Variants in IGSF11 observed in about 807,000 individuals in gnomAD.
IGSF11 encodes CXADR like 1.
Under a neutral mutation model 41.0 loss-of-function variants are expected in IGSF11, and 22 were observed. The observed-to-expected ratio is 0.54, with a 90% confidence interval of 0.38 to 0.77. IGSF11 has a LOEUF of 0.77. IGSF11 is among the 30% of genes least tolerant of loss of function. IGSF11 has a pLI of 0.00. For synonymous variants in IGSF11, 219 were observed against 201.3 expected (o/e 1.09, Z -0.74); for missense variants, 444 against 530.8 (o/e 0.84, Z 1.61).
At chr3:119,117,581 CA>C (rs2077276156) in intron 1 of IGSF11, among the ~76,000 whole-genome samples, 1 of 152,180 alleles carries the variant, frequency 6.6e-6, no homozygotes, top group Non-Finnish European at 1.5e-5. Context: ...GGTGGAGACA[CA>C]GCCAAACCAT....
chr3:119,139,613 C>A (rs1230251227), intron 1 of IGSF11, among the ~76,000 whole-genome samples: 3 of 152,194 alleles, frequency 2.0e-5, no homozygotes, highest in Non-Finnish European at 4.4e-5. Flanking sequence ...GAGTGTGAGA[C>A]CTCCCCAGTC....
chr3:118,913,180 A>C (rs1940567297), intron 4 of IGSF11, among the ~76,000 whole-genome samples: 1 of 152,122 alleles, frequency 6.6e-6, no homozygotes, highest in Admixed American at 6.5e-5. Context: ...GCAAAGGATT[A>C]AAAAAACATG....
chr3:119,131,257 A>G (rs1466083526), intron 1 of IGSF11, among the ~76,000 whole-genome samples: 1 of 152,178 alleles, frequency 6.6e-6, no homozygotes, highest in African/African-American at 2.4e-5. Flanking sequence ...AATTTATCTG[A>G]GCTAAAGGAG....
At chr3:119,092,497 T>C (rs909667392) in intron 1 of IGSF11, among the ~76,000 whole-genome samples, 8 of 152,074 alleles carry the variant, frequency 5.3e-5, no homozygotes, top group Admixed American at 4.6e-4. Context: ...GCCTGGCTAA[T>C]GTTTGTACTT....
chr3:118,978,522 AT>A (rs1934369282), intron 1 of IGSF11, among the ~76,000 whole-genome samples: 2 of 152,168 alleles, frequency 1.3e-5, no homozygotes, highest in Admixed American at 1.3e-4. Context: ...GTACCAATGT[AT>A]GCCACCTTGG....
chr3:118,919,057 T>G lies in IGSF11; in HGVS notation c.580+7044A>C, dbSNP rs993512346. Reference sequence around the variant, plus strand: ...GGGCTGGGAAAACTGGCTAGCCATATGTAGAAAGCTGAAACTGGATCCCTT... The same window carrying G: ...GGGCTGGGAAAACTGGCTAGCCATAGGTAGAAAGCTGAAACTGGATCCCTT... On this transcript the variant is annotated intron_variant, in intron 4 of 6. Coordinates refer to ENST00000393775, the MANE Select transcript of IGSF11 (RefSeq NM_001015887.3). 1.5e-5 allele frequency among the ~76,000 whole-genome samples: 2 copies of G among 135,820 alleles called. 1 individual carries two copies. The highest frequency in any genetic ancestry group is 3.0e-5 in the Non-Finnish European group (2 of 66,818). The allele number at this position is 135,820 out of a possible 152,430, so 89.1% of individuals were successfully genotyped here. A position where few individuals can be genotyped will look rare whatever the true frequency, so the allele number is the denominator to read the frequency against.
At chr3:119,133,357 TA>T (rs1217618211) in intron 1 of IGSF11, among the ~76,000 whole-genome samples, 1 of 151,996 alleles carries the variant, frequency 6.6e-6, no homozygotes, top group Non-Finnish European at 1.5e-5. Flanking sequence ...AAGAATCAAA[TA>T]GGGGTGCAAT....
In IGSF11 at chr3:118,970,845, T is replaced by A. The variant is rs16829196; in HGVS notation, c.53-40570A>T. Reference sequence around the variant, plus strand: ...CCATTCCCACTTCTCTATTAAATAGTCTTTTCATTTGTAGAAATAGGTACT... The same window carrying A: ...CCATTCCCACTTCTCTATTAAATAGACTTTTCATTTGTAGAAATAGGTACT... On this transcript the variant is annotated intron_variant, in intron 1 of 6. Coordinates refer to ENST00000393775, the MANE Select transcript of IGSF11 (RefSeq NM_001015887.3). 1.5e-3 allele frequency among the ~76,000 whole-genome samples: 232 copies of A among 152,148 alleles called. 4 individuals are homozygous for A. In the East Asian group the frequency reaches 0.024, roughly 16 times the overall value.
At chr3:119,089,907 C>T (rs1415400657) in intron 1 of IGSF11, among the ~76,000 whole-genome samples, 2 of 152,148 alleles carry the variant, frequency 1.3e-5, no homozygotes, top group Non-Finnish European at 2.9e-5. Context: ...TGCCTGTAGT[C>T]CCAGCTACTC....
chr3:119,059,825 T>A (rs1559843747), intron 1 of IGSF11, among the ~76,000 whole-genome samples: 1 of 152,154 alleles, frequency 6.6e-6, no homozygotes, highest in Non-Finnish European at 1.5e-5. Context: ...TAACATAAGT[T>A]TCAGCCAACT....
At chr3:119,106,304 C>A (rs1471427758), upstream of IGSF11, among the ~76,000 whole-genome samples, 1 of 152,098 alleles carries the variant, frequency 6.6e-6, no homozygotes, top group Admixed American at 6.6e-5. Flanking sequence ...AGGTTTTATT[C>A]ATTCTTTCTA....
chr3:118,948,829 G>A (rs556207559), intron 1 of IGSF11, among the ~76,000 whole-genome samples: 6 of 151,916 alleles, frequency 3.9e-5, no homozygotes, highest in Admixed American at 1.3e-4. Flanking sequence ...AAAAATAGCC[G>A]GGCATGGTGG....
At chr3:119,139,919 A>C (rs2107548377) in intron 1 of IGSF11, among the ~76,000 whole-genome samples, 1 of 152,322 alleles carries the variant, frequency 6.6e-6, no homozygotes, top group South Asian at 2.1e-4. Flanking sequence ...ATAATACTGA[A>C]GTTACGTTAG....
In IGSF11 at chr3:118,926,324, T is replaced by A. The variant is rs1446554359; in HGVS notation, c.425-68A>T. 2.3e-6 allele frequency: 3 copies of A among 1,292,756 alleles called. No individual in the cohort carries two copies. In the African/African-American group the frequency reaches 4.5e-5, roughly 20 times the overall value. 80.1% of individuals were successfully genotyped at this position (1,292,756 alleles called of 1,614,324 possible). A position where few individuals can be genotyped will look rare whatever the true frequency, so the allele number is the denominator to read the frequency against. Reference sequence around the variant, plus strand: ...GAGCCATGTGATGATGGAGGAGACATCAACATTCAGTACATTGGACCCTTA... The same window carrying A: ...GAGCCATGTGATGATGGAGGAGACAACAACATTCAGTACATTGGACCCTTA... On this transcript the variant is annotated intron_variant, in intron 3 of 6. Transcript: ENST00000393775.
At chr3:119,077,711 G>C (rs1203359225) in intron 1 of IGSF11, among the ~76,000 whole-genome samples, 1 of 152,032 alleles carries the variant, frequency 6.6e-6, no homozygotes, top group African/African-American at 2.4e-5. Flanking sequence ...ATAAAAGGCA[G>C]CCACATAGAA....
chr3:119,045,011 A>G (rs1307164831), intron 1 of IGSF11, among the ~76,000 whole-genome samples: 1 of 152,240 alleles, frequency 6.6e-6, no homozygotes, highest in Non-Finnish European at 1.5e-5. Context: ...AAGGAATTCA[A>G]GCAACAATCA....
At chr3:119,034,500 C>G (rs1416017262) in intron 1 of IGSF11, 31 bp downstream of exon 1, 1 of 1,536,072 alleles carries the variant, frequency 6.5e-7, no homozygotes. Flanking sequence ...CGGCCTGGCC[C>G]CACCGGGAAG....
intron 1 of IGSF11, among the ~76,000 whole-genome samples, chr3:118,976,462 C>T (rs1304621299): frequency 6.6e-6 from 1 of 152,162 alleles, no homozygotes; most frequent in East Asian, 1.9e-4. Context: ...CATTGAAGTG[C>T]CCAAAGCTCT....
At chr3:119,042,335 C>T (rs896971237) in intron 1 of IGSF11, among the ~76,000 whole-genome samples, 3 of 152,206 alleles carry the variant, frequency 2.0e-5, no homozygotes, top group African/African-American at 7.2e-5. Context: ...AGCCTGAGAG[C>T]CCTGCTTGTT....
Sources: gnomAD v4.1 joint callset for allele counts (sites outside exome capture counted in the v4.1 genomes callset) on GRCh38, gnomAD v4.1.1 for gene constraint, MANE v1.5 for transcripts, NCBI Gene and HGNC (gene_info 2026-07-23, HGNC 2026-07-21) for gene names.